GPC6: variants seen among roughly 807,000 people sequenced by gnomAD.
GPC6 encodes glypican-6.
In GPC6, 14 loss-of-function variants were observed where a neutral mutation model predicts 55.2. The ratio of observed to expected loss-of-function variants is 0.25; its 90% confidence interval spans 0.17 to 0.40. The LOEUF (loss-of-function observed/expected upper bound fraction) is 0.40, where lower values mean the gene tolerates loss of function less well. Among genes scored for constraint, GPC6 ranks in the 10% least tolerant of loss-of-function variants. The probability of loss-of-function intolerance (pLI) is 1.00; values close to 1 mark genes in which losing one functional copy is unlikely to be tolerated. For missense variants in GPC6, 641 were observed against 708.5 expected, an observed-to-expected ratio of 0.90 and a Z score of 1.08; for synonymous variants, 278 against 259.6, an observed-to-expected ratio of 1.07 and a Z score of -0.68.
intron 1 of GPC6, among the ~76,000 whole-genome samples, chr13:93,380,179 T>A (rs1875099373): frequency 6.6e-6 from 1 of 152,090 alleles, no homozygotes; most frequent in South Asian, 2.1e-4. Flanking sequence ...ATATAGTAAG[T>A]TTTAAATCAC....
At chr13:94,005,953 A>G (rs946972258) in intron 3 of GPC6, among the ~76,000 whole-genome samples, 28 of 152,190 alleles carry the variant, frequency 1.8e-4, no homozygotes, top group African/African-American at 6.3e-4. Context: ...TGTACTGAGT[A>G]CTTTGATTTA....
intron 1 of GPC6, among the ~76,000 whole-genome samples, chr13:93,508,766 G>A (rs77256648): frequency 0.035 from 5,339 of 152,270 alleles, 150 homozygotes; most frequent in Middle Eastern, 0.058. Flanking sequence ...AGGAAATGTG[G>A]ATCTTTTCTA....
intron 1 of GPC6, among the ~76,000 whole-genome samples, chr13:93,372,785 T>C (rs548816363): frequency 1.2e-4 from 19 of 152,286 alleles, no homozygotes; most frequent in African/African-American, 4.3e-4. Context: ...ATACTGTTGT[T>C]GGTAAAGAAG....
At chr13:94,222,456 G>A (rs1334603802) in intron 4 of GPC6, among the ~76,000 whole-genome samples, 1 of 152,038 alleles carries the variant, frequency 6.6e-6, no homozygotes, top group Admixed American at 6.6e-5. Context: ...GGGAATGACT[G>A]GGCTGGCCAC....
chr13:93,965,078 G>A (rs1158796826), intron 3 of GPC6, among the ~76,000 whole-genome samples: 5 of 135,886 alleles, frequency 3.7e-5, no homozygotes, highest in Admixed American at 7.5e-5. Context: ...TATAAAGTTA[G>A]TAAGTATTTG....
chr13:93,856,787 G>A (rs1489951401), intron 3 of GPC6, among the ~76,000 whole-genome samples: 1 of 151,584 alleles, frequency 6.6e-6, no homozygotes, highest in Admixed American at 6.6e-5. Flanking sequence ...GGAATGGATT[G>A]TGAGTCTTGA....
chr13:94,072,546 G>T (rs1365862919), intron 4 of GPC6, among the ~76,000 whole-genome samples: 2 of 152,168 alleles, frequency 1.3e-5, no homozygotes, highest in Non-Finnish European at 2.9e-5. Flanking sequence ...TAGAGACGGG[G>T]TTTCACCATG....
chr13:93,281,024 G>A (rs538348696), intron 1 of GPC6, among the ~76,000 whole-genome samples: 62 of 152,206 alleles, frequency 4.1e-4, no homozygotes, highest in African/African-American at 1.3e-3. Flanking sequence ...CAAGGGTTGG[G>A]GACCCCTGTT....
intron 6 of GPC6, among the ~76,000 whole-genome samples, chr13:94,364,952 G>T (rs1047304893): frequency 1.3e-5 from 2 of 152,186 alleles, no homozygotes; most frequent in Non-Finnish European, 2.9e-5. Flanking sequence ...CCCAGAATTT[G>T]AACTTGCCCT....
intron 6 of GPC6, among the ~76,000 whole-genome samples, chr13:94,341,200 A>T (rs556257628): frequency 6.6e-6 from 1 of 152,310 alleles, no homozygotes; most frequent in African/African-American, 2.4e-5. Context: ...AAAAAATCCT[A>T]TTTGAAATCT....
At chr13:93,695,146 T>A (rs1417836909) in intron 2 of GPC6, among the ~76,000 whole-genome samples, 1 of 152,130 alleles carries the variant, frequency 6.6e-6, no homozygotes, top group East Asian at 1.9e-4. Flanking sequence ...ATGAAATATT[T>A]AGCAATGAAA....
chr13:94,084,336 AC>A (rs892219783), intron 4 of GPC6, among the ~76,000 whole-genome samples: 7 of 152,112 alleles, frequency 4.6e-5, no homozygotes, highest in African/African-American at 1.7e-4. Flanking sequence ...TCCCTTCTAC[AC>A]AGTGTTTCAG....
chr13:93,602,180 C>T (rs12855067), intron 2 of GPC6, among the ~76,000 whole-genome samples: 64 of 152,240 alleles, frequency 4.2e-4, no homozygotes, highest in South Asian at 6.2e-4. Flanking sequence ...TATTTGACAA[C>T]GATAAAATAT....
intron 3 of GPC6, among the ~76,000 whole-genome samples, chr13:93,873,055 C>T (rs1182028679): frequency 6.6e-6 from 1 of 151,566 alleles, no homozygotes; most frequent in Non-Finnish European, 1.5e-5. Context: ...AAAATCCAAC[C>T]ATTTGCTAAA....
At chr13:93,902,431 A>G (rs1876411346) in intron 3 of GPC6, among the ~76,000 whole-genome samples, 1 of 152,162 alleles carries the variant, frequency 6.6e-6, no homozygotes, top group Admixed American at 6.5e-5. Context: ...TATATATACC[A>G]TATCTTCTTT....
chr13:93,675,758 T>C (rs1379263334), intron 2 of GPC6, among the ~76,000 whole-genome samples: 3 of 152,134 alleles, frequency 2.0e-5, no homozygotes, highest in African/African-American at 4.8e-5. Flanking sequence ...CATATAAGAA[T>C]GTTGATTACT....
chr13:94,118,302 C>T (rs1302049891), intron 4 of GPC6, among the ~76,000 whole-genome samples: 1 of 152,050 alleles, frequency 6.6e-6, no homozygotes, highest in Non-Finnish European at 1.5e-5. Context: ...CTTTGCTTGG[C>T]AGTTCTCTCT....
At chr13:93,781,890 G>A (rs1885663879) in intron 2 of GPC6, among the ~76,000 whole-genome samples, 1 of 151,940 alleles carries the variant, frequency 6.6e-6, no homozygotes, top group Admixed American at 6.6e-5. Context: ...ATACATTGGA[G>A]GTGGCTAAAT....
At chr13:93,603,283 A>C (rs1294237407) in intron 2 of GPC6, among the ~76,000 whole-genome samples, 2 of 152,212 alleles carry the variant, frequency 1.3e-5, no homozygotes, top group African/African-American at 4.8e-5. Flanking sequence ...CTGGGATTGC[A>C]GGCATGAGCA....
Sources: gnomAD v4.1 joint callset for allele counts (sites outside exome capture counted in the v4.1 genomes callset) on GRCh38, gnomAD v4.1.1 for gene constraint, MANE v1.5 for transcripts, NCBI Gene and HGNC (gene_info 2026-07-23, HGNC 2026-07-21) for gene names.